The following ANKH variants were observed in gnomAD, a reference collection of about 807,000 sequenced individuals.
The protein encoded by ANKH is mineralization regulator ANKH.
In ANKH, 15 loss-of-function variants were observed where a neutral mutation model predicts 49.0. The ratio of observed to expected loss-of-function variants is 0.31; its 90% CI spans 0.20 to 0.47. The LOEUF (loss-of-function observed/expected upper bound fraction) is 0.47, where lower values mean the gene tolerates loss of function less well. Ranked by LOEUF, ANKH falls within the 20% of genes least tolerant of loss-of-function variation. The pLI, the probability that ANKH is intolerant of heterozygous loss-of-function variation, is 1.00. For synonymous variants in ANKH, 273 were observed against 260.0 expected, an observed-to-expected ratio of 1.05 and a Z score of -0.48; for missense variants, 429 against 652.0, an observed-to-expected ratio of 0.66 and a Z score of 3.72.
chr5:14,829,639 G>A (rs1741448148), intron 1 of ANKH, among the ~76,000 whole-genome samples: 1 of 152,188 alleles, frequency 6.6e-6, no homozygotes, highest in Non-Finnish European at 1.5e-5. Context: ...GGCTAGGGCT[G>A]CCCAACCACA....
chr5:14,836,653 T>C (rs1291939444), intron 1 of ANKH, among the ~76,000 whole-genome samples: 1 of 152,192 alleles, frequency 6.6e-6, no homozygotes, highest in African/African-American at 2.4e-5. Flanking sequence ...TCCATGCTCA[T>C]GGATAGGAAG....
chr5:14,716,946 C>T (rs1737490245), intron 8 of ANKH, 111 bp from the exon 9 acceptor site: 1 of 1,405,920 alleles, frequency 7.1e-7, no homozygotes, highest in Non-Finnish European at 9.8e-7. Flanking sequence ...GACAACCGGC[C>T]TGACTGGGTG....
chr5:14,835,473 T>C (rs1194862633), intron 1 of ANKH, among the ~76,000 whole-genome samples: 2 of 152,134 alleles, frequency 1.3e-5, no homozygotes, highest in African/African-American at 2.4e-5. Flanking sequence ...TCTCAGTGCG[T>C]TCAGTGGTGA....
intron 1 of ANKH, among the ~76,000 whole-genome samples, chr5:14,860,394 T>G (rs1200517192): frequency 6.6e-6 from 1 of 152,148 alleles, no homozygotes; most frequent in Non-Finnish European, 1.5e-5. Context: ...TTTGTTACTC[T>G]CCTCTGTGCA....
chr5:14,751,146 G>A lies in ANKH; in HGVS notation c.610C>T (p.Arg204Cys), dbSNP rs1440219037. The change falls in exon 5 of 12, where the codon CGC becomes TGC. Residue 204 changes from arginine to cysteine, a missense_variant. This residue lies in a region of ANKH where 378 missense variants were observed against 615.3 expected (regional missense o/e 0.61). Coordinates refer to ENST00000284268, the MANE Select transcript of ANKH (RefSeq NM_054027.6). ...TAGCCCAGGCACAGGGTGGTGCAGC[G>A]CACAAGTGCGCCCATGTACAAGGAG... ...ILSLYMGALVRCTTLCLGYYK... is the reference protein window; with the variant it reads ...ILSLYMGALVCCTTLCLGYYK... 6 of 1,614,110 alleles carry A rather than the reference G, an allele frequency of 3.7e-6. No individual in the cohort carries two copies. The highest frequency in any genetic ancestry group is 1.3e-5 in the African/African-American group (1 of 74,948).
chr5:14,721,660 G>A (rs558123434), intron 8 of ANKH, among the ~76,000 whole-genome samples: 151 of 152,278 alleles, frequency 9.9e-4, no homozygotes, highest in Non-Finnish European at 1.8e-3. Flanking sequence ...AGCTGGGCGT[G>A]GTGGCTCATG....
chr5:14,786,632 G>T (rs1739984639), intron 1 of ANKH, among the ~76,000 whole-genome samples: 1 of 152,174 alleles, frequency 6.6e-6, no homozygotes, highest in Admixed American at 6.5e-5. Context: ...ACTGAAACAA[G>T]ATGGTTGTCA....
At chr5:14,800,433 T>C (rs527476019) in intron 1 of ANKH, among the ~76,000 whole-genome samples, 1 of 152,338 alleles carries the variant, frequency 6.6e-6, no homozygotes, top group South Asian at 2.1e-4. Flanking sequence ...AGACAAATCT[T>C]TCATGAAAGG....
chr5:14,769,212 C>G (rs777859536), intron 1 of ANKH, 21 bp from the exon 2 acceptor site: 2 of 1,590,762 alleles, frequency 1.3e-6, no homozygotes, highest in Non-Finnish European at 1.7e-6. Flanking sequence ...GGAAAAAAAC[C>G]CACAAGCATT....
intron 1 of ANKH, chr5:14,798,411 C>A (rs545554771): frequency 4.3e-5 from 66 of 1,552,462 alleles, no homozygotes; most frequent in Middle Eastern, 3.7e-4. Context: ...GGCGGGCAGG[C>A]GAGCCGGGGG....
intron 1 of ANKH, among the ~76,000 whole-genome samples, chr5:14,845,360 ATATATATTTTTTT>A (rs533185910): frequency 0.46 from 53,152 of 114,480 alleles, 9,442 homozygotes; most frequent in Admixed American, 0.52. Flanking sequence ...ATATATATAT[ATATATATTTTTTT>A]TTTTACCTTT....
At chr5:14,841,378 C>A (rs1039932899) in intron 1 of ANKH, among the ~76,000 whole-genome samples, 8 of 151,830 alleles carry the variant, frequency 5.3e-5, no homozygotes, top group African/African-American at 1.7e-4. Context: ...CTCACTGCAA[C>A]CTCCGCCTCC....
At position 14,815,789 on chromosome 5, in the gene ANKH, A is replaced by G. The variant is rs1376057333; in HGVS notation, c.97-46598T>C. Among the ~76,000 whole-genome samples the G allele has an allele frequency of 2.0e-5, 3 of 152,234 alleles. No homozygotes were observed. In the East Asian group the frequency reaches 5.8e-4, roughly 29 times the overall value. On this transcript the variant is annotated intron_variant, in intron 1 of 11. Transcript: ENST00000284268. Reference sequence around the variant, plus strand: ...CACAAGTGTCCAGGAGCACAGAGGCATTGGCCAATGTAGAGACTTAATACT... The same window carrying G: ...CACAAGTGTCCAGGAGCACAGAGGCGTTGGCCAATGTAGAGACTTAATACT...
At chr5:14,741,481 A>C in intron 8 of ANKH, 1 of 257,498 alleles carries the variant, frequency 3.9e-6, no homozygotes, top group Non-Finnish European at 7.6e-6. Context: ...TTAAATTTGG[A>C]AAAGAGACAG....
chr5:14,841,487 G>A (rs991652892), intron 1 of ANKH, among the ~76,000 whole-genome samples: 1 of 152,018 alleles, frequency 6.6e-6, no homozygotes, highest in African/African-American at 2.4e-5. Context: ...GGTAGAGATG[G>A]GATTTTGCCA....
chr5:14,724,319 A>AAAC (rs59535616), intron 8 of ANKH, among the ~76,000 whole-genome samples: 122,397 of 151,400 alleles, frequency 0.81, 50,432 homozygotes, highest in Middle Eastern at 0.93. Context: ...CTCTGTCTCA[A>AAAC]AACAACAACA....
intron 1 of ANKH, among the ~76,000 whole-genome samples, chr5:14,825,444 TG>T (rs1329671636): frequency 6.6e-6 from 1 of 152,170 alleles, no homozygotes; most frequent in Non-Finnish European, 1.5e-5. Flanking sequence ...CTTGACCTCT[TG>T]GGCTCAAGCA....
At chr5:14,771,839 G>A (rs1561047985) in intron 1 of ANKH, among the ~76,000 whole-genome samples, 1 of 150,894 alleles carries the variant, frequency 6.6e-6, no homozygotes, top group Non-Finnish European at 1.5e-5. Flanking sequence ...ACTTGAACCC[G>A]GGAGGTGGAG....
chr5:14,798,038 G>A (rs538814604), intron 1 of ANKH: 6 of 1,582,184 alleles, frequency 3.8e-6, no homozygotes, highest in Admixed American at 1.7e-5. Context: ...CTTCATGGTT[G>A]ATCTTGATTT....
Sources: allele counts gnomAD v4.1 joint callset (sites outside exome capture counted in the v4.1 genomes callset), GRCh38; gene constraint gnomAD v4.1.1; regional missense constraint gnomAD v4.1.1; transcripts MANE v1.5; gene names NCBI Gene and HGNC (gene_info 2026-07-23, HGNC 2026-07-21).